The following BMP3 variants were observed in gnomAD, a reference collection of about 807,000 sequenced individuals.
The protein encoded by BMP3 is bone morphogenetic protein 3.
Under a neutral mutation model 38.1 loss-of-function variants are expected in BMP3, and 23 were observed. The ratio of observed to expected loss-of-function variants is 0.60; its 90% CI spans 0.43 to 0.86. The LOEUF (loss-of-function observed/expected upper bound fraction) is 0.86, where lower values mean the gene tolerates loss of function less well. BMP3 is among the 40% of genes least tolerant of loss of function. BMP3 has a pLI of 0.00. For missense variants in BMP3, 628 were observed against 579.6 expected, an observed-to-expected ratio of 1.08 and a Z score of -0.86; for synonymous variants, 258 against 225.7, an observed-to-expected ratio of 1.14 and a Z score of -1.28.
intron 1 of BMP3, among the ~76,000 whole-genome samples, chr4:81,038,541 T>G (rs187265962): frequency 2.0e-5 from 3 of 152,334 alleles, no homozygotes; most frequent in Admixed American, 2.0e-4. Context: ...TTGAAGGAAT[T>G]TCTTATGGGG....
At position 81,046,524 on chromosome 4, in the gene BMP3, G is replaced by T; in HGVS notation, c.1103G>T (p.Arg368Leu). The change falls in exon 2 of 3, where the codon CGG (arginine) becomes CTG (leucine). Residue 368 changes from arginine (R) to leucine (L), a missense_variant. Arg to Leu is a moderately radical substitution (Grantham distance 102). Transcript: ENST00000282701. ...AGGAGAAAGCAGTGGATTGAACCTC[G>T]GAATTGCGCCAGGAGATACCTCAAG... ...KARRKQWIEP[R>L]NCARRYLKVD... The T allele has an allele frequency of 6.2e-7, 1 of 1,614,098 alleles. No homozygotes were observed. Among genetic ancestry groups the T allele is most frequent in the Middle Eastern group, 1.6e-4 (1 of 6,062 alleles).
chr4:81,052,291 C>T (rs1366235125), intron 2 of BMP3, among the ~76,000 whole-genome samples: 3 of 152,142 alleles, frequency 2.0e-5, no homozygotes, highest in African/African-American at 7.2e-5. Flanking sequence ...CTACTTTCAC[C>T]TGCCTAAAAG....
In BMP3 at chr4:81,053,390, G is replaced by A. The variant is rs1262113298; in HGVS notation, c.1273G>A (p.Ala425Thr). ...TGCTACCATCCAGAGTATAGTGAGA[G>A]CTGTGGGGGTCGTTCCTGGGATTCC... ...NHATIQSIVR[A>T]VGVVPGIPEP... The change falls in exon 3 of 3, where the codon GCT (alanine) becomes ACT (threonine). Residue 425 changes from alanine to threonine, a missense_variant. Ala to Thr is a moderately conservative substitution (Grantham distance 58). Transcript: ENST00000282701. 6.2e-7 allele frequency: 1 copy of A among 1,610,006 alleles called. No individual in the cohort carries two copies. The highest frequency in any genetic ancestry group is 8.5e-7 in the Non-Finnish European group (1 of 1,178,414).
intron 1 of BMP3, among the ~76,000 whole-genome samples, chr4:81,033,716 C>CA (rs1445876266): frequency 6.6e-6 from 1 of 152,142 alleles, no homozygotes; most frequent in Non-Finnish European, 1.5e-5. Context: ...TCTAATAAGG[C>CA]AGGACTCTAG....
chr4:81,031,427 C>A lies in BMP3; in HGVS notation c.143C>A (p.Ser48Tyr). 2 of 1,613,698 alleles carry A rather than the reference C, an allele frequency of 1.2e-6. No homozygotes were observed. Among genetic ancestry groups the A allele is most frequent in the Non-Finnish European group, 1.7e-6 (2 of 1,179,904 alleles). ...GDRTAGGGPD[S>Y]ELQPQDKVSE... ...CGCACGGCAGGTGGTGGCCCGGACTCCGAGCTGCAGCCGCAAGACAAGGTC... is the reference window on the plus strand; with the variant it reads ...CGCACGGCAGGTGGTGGCCCGGACTACGAGCTGCAGCCGCAAGACAAGGTC... The change falls in exon 1 of 3, where the codon TCC (serine) becomes TAC (tyrosine). Residue 48 changes from serine (S) to tyrosine (Y), a missense_variant. Physicochemically the swap from Ser to Tyr is moderately radical, Grantham distance 144. Transcript: ENST00000282701.
At chr4:81,035,850 TA>T (rs945600608) in intron 1 of BMP3, among the ~76,000 whole-genome samples, 4 of 151,978 alleles carry the variant, frequency 2.6e-5, no homozygotes, top group Admixed American at 2.6e-4. Flanking sequence ...TGAGTCCCCA[TA>T]AAAGGCGAAT....
At position 81,053,467 on chromosome 4, in the gene BMP3, T is replaced by C; in HGVS notation, c.1350T>C (p.Phe450=). The change falls in exon 3 of 3, where the codon TTT becomes TTC. Residue 450 remains phenylalanine (F), a synonymous_variant. Transcript: ENST00000282701. ...EKMSSLSILF[F]DENKNVVLKV... is the part of the protein sequence containing the mutation. ...TGTCCTCACTCAGTATTTTATTCTT[T>C]GATGAAAATAAGAATGTAGTGCTTA... 1 of 1,609,788 alleles carries C rather than the reference T, an allele frequency of 6.2e-7. No individual in the cohort carries two copies. The highest frequency in any genetic ancestry group is 8.5e-7 in the Non-Finnish European group (1 of 1,178,020).
chr4:81,040,499 G>A (rs929377077), intron 1 of BMP3, among the ~76,000 whole-genome samples: 5 of 152,126 alleles, frequency 3.3e-5, no homozygotes, highest in African/African-American at 9.7e-5. Flanking sequence ...AACTATCACC[G>A]TTAGACTGCA....
rs185543684 is a variant in BMP3, at chr4:81,050,480, G to T, written c.1228-2865G>T. On this transcript the variant is annotated intron_variant, in intron 2 of 2. Transcript: ENST00000282701. Reference sequence around the variant, plus strand: ...AATTTCAAATGAAAGTGATTGAGCTGTTGTCACTGACAAAGATCCAAGAGA... The same window carrying T: ...AATTTCAAATGAAAGTGATTGAGCTTTTGTCACTGACAAAGATCCAAGAGA... Among the ~76,000 whole-genome samples the T allele has an allele frequency of 4.6e-5, 7 of 151,334 alleles. No homozygotes were observed. In the East Asian group the frequency reaches 1.4e-3, roughly 29 times the overall value.
At chr4:81,048,328 T>C (rs1482341247) in intron 2 of BMP3, among the ~76,000 whole-genome samples, 2 of 152,222 alleles carry the variant, frequency 1.3e-5, no homozygotes, top group Non-Finnish European at 2.9e-5. Flanking sequence ...ATGGTTTCAA[T>C]ATCTGTCTTT....
chr4:81,049,954 C>T (rs950712430), intron 2 of BMP3, among the ~76,000 whole-genome samples: 2 of 152,180 alleles, frequency 1.3e-5, no homozygotes, highest in Non-Finnish European at 2.9e-5. Context: ...TTCTTTTGGC[C>T]TCCTGAGCCA....
intron 2 of BMP3, among the ~76,000 whole-genome samples, chr4:81,047,282 C>T (rs112428065): frequency 1.1e-4 from 17 of 152,126 alleles, no homozygotes; most frequent in Non-Finnish European, 2.1e-4. Flanking sequence ...TAATTTCAAC[C>T]TTTCGGAGCT....
intron 1 of BMP3, among the ~76,000 whole-genome samples, chr4:81,045,086 A>T (rs1323712940): frequency 6.6e-6 from 1 of 152,184 alleles, no homozygotes; most frequent in Non-Finnish European, 1.5e-5. Flanking sequence ...GCAATTTGAG[A>T]GTGTTCCAAT....
chr4:81,031,860 A>G (rs1450470313), intron 1 of BMP3, among the ~76,000 whole-genome samples: 1 of 152,052 alleles, frequency 6.6e-6, no homozygotes, highest in African/African-American at 2.4e-5. Flanking sequence ...GGTAGGCTGG[A>G]GGAGCTTCGT....
intron 1 of BMP3, among the ~76,000 whole-genome samples, chr4:81,037,928 C>T (rs112342797): frequency 6.6e-6 from 1 of 151,996 alleles, no homozygotes; most frequent in Admixed American, 6.6e-5. Flanking sequence ...CCATACTAGA[C>T]CCGCGGAATC....
At chr4:81,041,928 T>C (rs1740090122) in intron 1 of BMP3, among the ~76,000 whole-genome samples, 1 of 151,870 alleles carries the variant, frequency 6.6e-6, no homozygotes, top group African/African-American at 2.4e-5. Context: ...CAGCTTGTAT[T>C]ATCATCATGG....
chr4:81,036,448 A>G (rs1230167284), intron 1 of BMP3, among the ~76,000 whole-genome samples: 2 of 152,110 alleles, frequency 1.3e-5, no homozygotes, highest in East Asian at 3.9e-4. Flanking sequence ...GTGCTTCAGT[A>G]ACAGAACATC....
In BMP3 at chr4:81,055,945, A is replaced by G. The variant is rs1740545061; in HGVS notation, c.*2409A>G. 6.6e-6 allele frequency: 1 copy of G among 152,186 alleles called. No homozygotes were observed. The highest frequency in any genetic ancestry group is 1.5e-5 in the Non-Finnish European group (1 of 68,030). The allele number at this position is 152,186 out of a possible 1,614,324, so 9.4% of individuals were successfully genotyped here. On this transcript the variant is annotated 3_prime_UTR_variant, in exon 3 of 3. Transcript: ENST00000282701. The stretch of plus-strand genomic sequence containing the variant: ...CTGGGTGCTTTGTAACTATCATTTT[A>G]CTAATGAATTGAGGATGTATTATGG...
chr4:81,038,821 G>A (rs1308848894), intron 1 of BMP3, among the ~76,000 whole-genome samples: 2 of 152,292 alleles, frequency 1.3e-5, no homozygotes, highest in Non-Finnish European at 1.5e-5. Flanking sequence ...CAGGCTGTGT[G>A]AAGTACTAGG....
Sources: gnomAD v4.1 joint callset for allele counts (sites outside exome capture counted in the v4.1 genomes callset) on GRCh38, gnomAD v4.1.1 for gene constraint, MANE v1.5 for transcripts, NCBI Gene and HGNC (gene_info 2026-07-23, HGNC 2026-07-21) for gene names.